The following SNX8 variants were observed in gnomAD, a reference collection of about 807,000 sequenced individuals.
SNX8 encodes sorting nexin-8.
In SNX8, 25 loss-of-function variants were observed where a neutral mutation model predicts 51.6. The observed-to-expected ratio is 0.48, with a 90% CI of 0.35 to 0.68. SNX8 has a LOEUF of 0.68. SNX8 is among the 30% of genes least tolerant of loss of function. SNX8 has a pLI of 0.00. For synonymous variants in SNX8, 324 were observed against 277.0 expected (o/e 1.17, Z -1.68); for missense variants, 695 against 624.0 (o/e 1.11, Z -1.21).
intron 1 of SNX8, among the ~76,000 whole-genome samples, chr7:2,335,663 C>T (rs984573661): frequency 2.0e-5 from 3 of 151,668 alleles, no homozygotes; most frequent in Non-Finnish European, 4.4e-5. Flanking sequence ...ATTAGCTGGG[C>T]GTGGTGGCAG....
Position 2,275,185 on chromosome 7 carries a change from G to C in SNX8, c.345C>G (p.Val115=). ...SVYRRYNDFV[V]FQEMLLHKFP... The stretch of plus-strand genomic sequence containing the variant: ...ACTTGTGCAGGAGCATCTCCTGGAA[G>C]ACCACGAAGTCATTGTACCGTCTGT... The change falls in exon 3 of 11, where the codon GTC becomes GTG. Residue 115 remains valine (V), a synonymous_variant. Coordinates refer to ENST00000222990, the MANE Select transcript of SNX8 (RefSeq NM_013321.4). The C allele has an allele frequency of 1.2e-6, 2 of 1,614,112 alleles. No homozygotes were observed. Among genetic ancestry groups the C allele is most frequent in the Non-Finnish European group, 1.7e-6 (2 of 1,179,964 alleles).
chr7:2,345,191 A>C (rs888321522), intron 1 of SNX8, among the ~76,000 whole-genome samples: 1 of 152,198 alleles, frequency 6.6e-6, no homozygotes, highest in Non-Finnish European at 1.5e-5. Context: ...AAACCAAAAC[A>C]ACCTACTTTT....
At chr7:2,291,390 G>A (rs1376577108) in intron 1 of SNX8, among the ~76,000 whole-genome samples, 1 of 152,146 alleles carries the variant, frequency 6.6e-6, no homozygotes, top group African/African-American at 2.4e-5. Flanking sequence ...CTGAGCTCAG[G>A]AGTTCGAGAC....
At position 2,255,160 on chromosome 7, in the gene SNX8, C is replaced by G; in HGVS notation, c.1294G>C (p.Val432Leu). Residue 432 changes from valine (V) to leucine (L), a missense_variant, in exon 11 of 11, where the codon GTG becomes CTG. Physicochemically the swap from Val to Leu is conservative, Grantham distance 32 (BLOSUM62 1). Transcript: ENST00000222990. ...AGCTTGGGCCTCAGGTCGTTCCACA[C>G]CTTGCTCATCTGAAAGGGAAGCGAA... is the stretch of plus-strand genomic sequence containing the variant. Reference protein sequence around the residue: ...QIQGHKEMSKVWNDLRPKLSC... With the variant: ...QIQGHKEMSKLWNDLRPKLSC... 1 of 1,545,446 alleles carries G rather than the reference C, an allele frequency of 6.5e-7. No individual in the cohort carries two copies. Among genetic ancestry groups the G allele is most frequent in the Non-Finnish European group, 8.8e-7 (1 of 1,141,566 alleles).
chr7:2,330,427 G>A (rs547512891), intron 1 of SNX8, among the ~76,000 whole-genome samples: 3 of 152,170 alleles, frequency 2.0e-5, no homozygotes, highest in East Asian at 3.9e-4. Context: ...GTGAGCCACC[G>A]TGCCCAGCCC....
At chr7:2,280,825 C>T (rs536454853) in intron 1 of SNX8, among the ~76,000 whole-genome samples, 2 of 146,872 alleles carry the variant, frequency 1.4e-5, no homozygotes, top group African/African-American at 5.0e-5. Context: ...CAGAGTCTCG[C>T]TCTGTTGCCC....
intron 1 of SNX8, among the ~76,000 whole-genome samples, chr7:2,343,010 G>C (rs547104459): frequency 2.0e-5 from 3 of 151,718 alleles, no homozygotes; most frequent in Non-Finnish European, 4.4e-5. Flanking sequence ...GGTCAGGCTG[G>C]TCTTGAACTC....
intron 1 of SNX8, among the ~76,000 whole-genome samples, chr7:2,298,470 A>G (rs1355308614): frequency 1.3e-5 from 2 of 151,870 alleles, no homozygotes; most frequent in East Asian, 1.9e-4. Flanking sequence ...CCCAGGTTCC[A>G]GCAATTCTCC....
chr7:2,335,075 A>T (rs895360127), intron 1 of SNX8, among the ~76,000 whole-genome samples: 15 of 151,162 alleles, frequency 9.9e-5, no homozygotes, highest in African/African-American at 2.7e-4. Flanking sequence ...GTGCGCCTGT[A>T]ATCCCAGCTA....
At chr7:2,320,657 G>A (rs1050040101) in intron 1 of SNX8, among the ~76,000 whole-genome samples, 10 of 152,116 alleles carry the variant, frequency 6.6e-5, no homozygotes, top group Admixed American at 1.3e-4. Flanking sequence ...CTGGGAGGTC[G>A]AGGCTGCAGT....
intron 2 of SNX8, 149 bp from the exon 3 acceptor site, chr7:2,275,378 G>A (rs112335663): frequency 3.8e-5 from 25 of 666,570 alleles, no homozygotes; most frequent in African/African-American, 1.8e-4. Flanking sequence ...TGACGGCTTC[G>A]TATATGGAAA....
Position 2,281,445 on chromosome 7 carries a change from A to C in SNX8, c.95-3140T>G, listed in dbSNP as rs1047635859. ...AAAAACAAAAAGGAAAAAAAAAAAA[A>C]CATCATTTCAAATGGGTACACTGCC... On this transcript the variant is annotated intron_variant, in intron 1 of 10. Transcript: ENST00000222990. Among the ~76,000 whole-genome samples the C allele has an allele frequency of 5.9e-5, 9 of 151,956 alleles. No individual in the cohort carries two copies. The South Asian group carries it at 8.3e-4, about 14-fold the overall frequency.
At chr7:2,307,034 C>T (rs909906509) in intron 1 of SNX8, among the ~76,000 whole-genome samples, 29 of 152,046 alleles carry the variant, frequency 1.9e-4, no homozygotes, top group African/African-American at 7.0e-4. Flanking sequence ...CTTCAAAATG[C>T]TTATAGGGAG....
chr7:2,311,636 C>T (rs1796658628), intron 1 of SNX8, among the ~76,000 whole-genome samples: 1 of 151,884 alleles, frequency 6.6e-6, no homozygotes, highest in African/African-American at 2.4e-5. Context: ...TTAGTTTTCT[C>T]AATGTAAAAA....
At chr7:2,327,180 C>T (rs1228834561) in intron 1 of SNX8, among the ~76,000 whole-genome samples, 2 of 152,034 alleles carry the variant, frequency 1.3e-5, no homozygotes, top group Non-Finnish European at 2.9e-5. Context: ...CTGCCTCTGT[C>T]ATCACACAGC....
intron 1 of SNX8, among the ~76,000 whole-genome samples, chr7:2,284,976 G>A (rs916588602): frequency 2.0e-5 from 3 of 151,862 alleles, no homozygotes; most frequent in South Asian, 2.1e-4. Flanking sequence ...ACTTTTGGAG[G>A]CTGAGGTGGG....
At chr7:2,275,042 G>C in intron 3 of SNX8, 70 bp downstream of exon 3, 1 of 1,075,416 alleles carries the variant, frequency 9.3e-7, no homozygotes, top group Non-Finnish European at 1.5e-6. Context: ...CCATCCCTGA[G>C]CCAGGACCAC....
In SNX8 at chr7:2,343,831, C is replaced by T. The variant is rs576432306; in HGVS notation, c.-66+10391G>A. ...GTCGGGAGTTCAAGGCCAGCCTGAC[C>T]AACATGGAGAAATCCTGTCTCTACT... is the stretch of plus-strand genomic sequence containing the variant. On this transcript the variant is annotated intron_variant, in intron 1 of 5. Transcript: ENST00000435336. Among the ~76,000 whole-genome samples, 17 of 151,820 alleles carry T rather than the reference C, an allele frequency of 1.1e-4. 1 individual carries two copies. In the South Asian group the frequency reaches 2.5e-3, roughly 22 times the overall value.
chr7:2,320,103 C>A (rs975855426), intron 1 of SNX8, among the ~76,000 whole-genome samples: 17 of 152,340 alleles, frequency 1.1e-4, no homozygotes, highest in African/African-American at 3.8e-4. Flanking sequence ...CGCCTGTAAT[C>A]CCAGCACTTT....
Sources: allele counts gnomAD v4.1 joint callset (sites outside exome capture counted in the v4.1 genomes callset), GRCh38; gene constraint gnomAD v4.1.1; transcripts MANE v1.5; gene names NCBI Gene and HGNC (gene_info 2026-07-23, HGNC 2026-07-21).